PRSS23: variants seen among roughly 807,000 people sequenced by gnomAD.
PRSS23 encodes protease, serine 23.
PRSS23 carries 25 observed loss-of-function variants against 34.7 expected under a neutral mutation model. The observed-to-expected ratio is 0.72, with a 90% confidence interval of 0.53 to 1.01. PRSS23 has a LOEUF of 1.01. PRSS23 is among the 50% of genes least tolerant of loss of function. The pLI, the probability that PRSS23 is intolerant of heterozygous loss-of-function variation, is 0.00. For missense variants in PRSS23, 445 were observed against 475.6 expected (o/e 0.94, Z 0.60); for synonymous variants, 176 against 186.6 (o/e 0.94, Z 0.46).
chr11:86,795,700 T>C (rs1421023226), upstream of PRSS23, among the ~76,000 whole-genome samples: 1 of 152,196 alleles, frequency 6.6e-6, no homozygotes, highest in Non-Finnish European at 1.5e-5. Context: ...CCACCCTGTG[T>C]TGACTTTCAT....
chr11:86,857,161 AC>A, intron 2 of PRSS23: 1 of 340,118 alleles, frequency 2.9e-6, no homozygotes, highest in Non-Finnish European at 5.5e-6. Context: ...CATGGGGATG[AC>A]CACAGCGTAC....
chr11:86,895,817 G>T (rs1205060715), intron 2 of PRSS23, among the ~76,000 whole-genome samples: 1 of 152,102 alleles, frequency 6.6e-6, no homozygotes, highest in African/African-American at 2.4e-5. Flanking sequence ...TTGCACTATT[G>T]TGTAGCCACA....
At chr11:86,829,795 G>A (rs1023806890) in intron 2 of PRSS23, among the ~76,000 whole-genome samples, 8 of 152,238 alleles carry the variant, frequency 5.3e-5, no homozygotes, top group Non-Finnish European at 1.2e-4. Context: ...GGTGGCTGCA[G>A]AACAGGGGAT....
At position 86,856,186 on chromosome 11, in the gene PRSS23, AT is replaced by A. The variant is rs548846367; in HGVS notation, c.206+32594del. On this transcript the variant is annotated intron_variant, in intron 2 of 2. Transcript: ENST00000533902. ...CTAAGTGGTAAGAAAGAACAGCATAATAAAAATTTGCATCATGTTTAGGACA... is the reference window on the plus strand; with the variant it reads ...CTAAGTGGTAAGAAAGAACAGCATAAAAAAATTTGCATCATGTTTAGGACA... Among the ~76,000 whole-genome samples, 36 of 152,338 alleles carry A rather than the reference AT, an allele frequency of 2.4e-4. 1 individual carries two copies. Among genetic ancestry groups the A allele is most frequent in the African/African-American group, 7.9e-4 (33 of 41,572 alleles).
At chr11:86,829,869 T>C (rs918657414) in intron 2 of PRSS23, among the ~76,000 whole-genome samples, 5 of 151,990 alleles carry the variant, frequency 3.3e-5, no homozygotes, top group East Asian at 1.9e-4. Context: ...AGAGGAGTAC[T>C]TGGCCGTGTG....
At chr11:86,828,223 G>C (rs1202436030) in intron 2 of PRSS23, among the ~76,000 whole-genome samples, 1 of 152,184 alleles carries the variant, frequency 6.6e-6, no homozygotes. Flanking sequence ...TCTTCTTGTT[G>C]AATTGATCCC....
intron 2 of PRSS23, among the ~76,000 whole-genome samples, chr11:86,849,157 C>T (rs1323784063): frequency 6.6e-6 from 1 of 152,164 alleles, no homozygotes; most frequent in Non-Finnish European, 1.5e-5. Context: ...ACACTTCCTC[C>T]TAAACACTGG....
intron 2 of PRSS23, among the ~76,000 whole-genome samples, chr11:86,831,283 G>A (rs144166692): frequency 0.023 from 3,475 of 151,280 alleles, 149 homozygotes; most frequent in African/African-American, 0.079. Flanking sequence ...AATATCCTAA[G>A]GGAATATTAC....
rs1346009599 is a variant in PRSS23, at chr11:86,939,424, A to ATTTTT, written c.207-11791_207-11790insTTTTT. Among the ~76,000 whole-genome samples, 176 of 83,976 alleles carry ATTTTT rather than the reference A, an allele frequency of 2.1e-3. 3 individuals carry two copies. Among genetic ancestry groups the ATTTTT allele is most frequent in the African/African-American group, 5.6e-3 (156 of 28,012 alleles). The allele number at this position is 83,976 out of a possible 152,430, so 55.1% of individuals were successfully genotyped here. On this transcript the variant is annotated intron_variant, in intron 2 of 2. Coordinates refer to the PRSS23 transcript ENST00000533902. ...AAAAAATATATATATATATATATAT[A>ATTTTT]TATTTTTTAACATGAGTAAAAATTG...
chr11:86,869,447 A>T (rs1196858989), intron 2 of PRSS23, among the ~76,000 whole-genome samples: 3 of 152,160 alleles, frequency 2.0e-5, no homozygotes, highest in Admixed American at 6.5e-5. Context: ...TGAATGAGAC[A>T]GACATGGGCC....
intron 2 of PRSS23, among the ~76,000 whole-genome samples, chr11:86,887,649 A>T (rs1022455671): frequency 6.6e-6 from 1 of 152,218 alleles, no homozygotes; most frequent in Non-Finnish European, 1.5e-5. Flanking sequence ...CATAATAATT[A>T]CCGTGCACCT....
intron 2 of PRSS23, among the ~76,000 whole-genome samples, chr11:86,831,448 G>A (rs1948354969): frequency 6.6e-6 from 1 of 151,842 alleles, no homozygotes; most frequent in Non-Finnish European, 1.5e-5. Context: ...TGTACCCCCT[G>A]TGAAATTTTT....
At chr11:86,840,352 G>A (rs566415238) in intron 2 of PRSS23, among the ~76,000 whole-genome samples, 2 of 152,258 alleles carry the variant, frequency 1.3e-5, no homozygotes, top group South Asian at 4.2e-4. Flanking sequence ...AACCAACAAA[G>A]ATCAAAAGAG....
chr11:86,818,150 A>G (rs1948226848), intron 1 of PRSS23, among the ~76,000 whole-genome samples: 1 of 152,236 alleles, frequency 6.6e-6, no homozygotes, highest in African/African-American at 2.4e-5. Context: ...AAGATACACC[A>G]GAAAAAAATA....
chr11:86,800,945 A>T (rs1299356802), intron 1 of PRSS23, among the ~76,000 whole-genome samples: 1 of 152,098 alleles, frequency 6.6e-6, no homozygotes, highest in Non-Finnish European at 1.5e-5. Flanking sequence ...GTTGGGAAGC[A>T]GAGAGAGCCG....
At chr11:86,918,047 A>AT (rs1319405540) in intron 2 of PRSS23, among the ~76,000 whole-genome samples, 9 of 152,224 alleles carry the variant, frequency 5.9e-5, no homozygotes, top group African/African-American at 2.2e-4. Context: ...ACATTTAGCT[A>AT]TTTCATTTTT....
At chr11:86,851,236 T>A (rs1948526464) in intron 2 of PRSS23, among the ~76,000 whole-genome samples, 1 of 152,220 alleles carries the variant, frequency 6.6e-6, no homozygotes, top group African/African-American at 2.4e-5. Flanking sequence ...AGTTTCCAGC[T>A]TCCTCAGTAG....
chr11:86,812,771 G>A (rs1948188121), downstream of PRSS23, among the ~76,000 whole-genome samples: 1 of 140,268 alleles, frequency 7.1e-6, no homozygotes, highest in African/African-American at 2.7e-5. Flanking sequence ...CTAGGCAACA[G>A]AGTGAGACTC....
At chr11:86,933,816 C>T (rs572343161) in intron 2 of PRSS23, 3 of 152,294 alleles carry the variant, frequency 2.0e-5, no homozygotes, top group African/African-American at 7.2e-5. Context: ...GTAAACCATG[C>T]ACCTTTTTTT....
Sources: allele counts gnomAD v4.1 joint callset (sites outside exome capture counted in the v4.1 genomes callset), GRCh38; gene constraint gnomAD v4.1.1; transcripts MANE v1.5; gene names NCBI Gene and HGNC (gene_info 2026-07-23, HGNC 2026-07-21).